KLHL3: variants seen among roughly 807,000 people sequenced by gnomAD.
KLHL3 encodes kelch like family member 3, also known as kelch-like protein 3.
In KLHL3, 19 loss-of-function variants were observed where a neutral mutation model predicts 70.5. The ratio of observed to expected loss-of-function variants is 0.27; its 90% CI spans 0.19 to 0.40. The LOEUF (loss-of-function observed/expected upper bound fraction) is 0.40, where lower values mean the gene tolerates loss of function less well. Ranked by LOEUF, KLHL3 falls within the 10% of genes least tolerant of loss-of-function variation. The pLI is 1.00. For missense variants in KLHL3, 512 were observed against 771.1 expected, an observed-to-expected ratio of 0.66 and a Z score of 3.98; for synonymous variants, 258 against 290.3, an observed-to-expected ratio of 0.89 and a Z score of 1.13.
chr5:137,648,907 C>G (rs992516913), intron 8 of KLHL3, among the ~76,000 whole-genome samples: 7 of 152,288 alleles, frequency 4.6e-5, no homozygotes, highest in African/African-American at 1.7e-4. Context: ...TCCAACTAGT[C>G]CAATTATCTC....
chr5:137,651,159 C>T (rs1751191427), intron 8 of KLHL3, among the ~76,000 whole-genome samples: 1 of 152,200 alleles, frequency 6.6e-6, no homozygotes, highest in Non-Finnish European at 1.5e-5. Flanking sequence ...GAGGTTATTT[C>T]TTCTTTAAAA....
At chr5:137,670,942 C>T (rs1383615090) in intron 6 of KLHL3, among the ~76,000 whole-genome samples, 1 of 127,916 alleles carries the variant, frequency 7.8e-6, no homozygotes, top group African/African-American at 3.2e-5. Flanking sequence ...CACTGCACTC[C>T]AGCCTGGGCA....
chr5:137,702,798 C>G (rs1752597750), intron 3 of KLHL3, among the ~76,000 whole-genome samples: 1 of 152,134 alleles, frequency 6.6e-6, no homozygotes, highest in Non-Finnish European at 1.5e-5. Flanking sequence ...ACCATTAGGG[C>G]CTTGCACTTA....
chr5:137,637,791 C>T (rs1252493314), intron 10 of KLHL3, among the ~76,000 whole-genome samples: 5 of 152,220 alleles, frequency 3.3e-5, no homozygotes, highest in Admixed American at 3.3e-4. Context: ...CACTTGCTTC[C>T]CAAGACTCCC....
At chr5:137,677,453 A>C in intron 6 of KLHL3, 92 bp downstream of exon 6, 2 of 754,508 alleles carry the variant, frequency 2.7e-6, no homozygotes, top group Non-Finnish European at 4.4e-6. Context: ...ATCTCAAAAA[A>C]AAAGAAAAGA....
chr5:137,720,638 T>C, intron 1 of KLHL3, 54 bp from the exon 2 acceptor site: 3 of 1,607,468 alleles, frequency 1.9e-6, no homozygotes, highest in Non-Finnish European at 2.5e-6. Flanking sequence ...GGTAAACCCA[T>C]TCATCCAACT....
In KLHL3 at chr5:137,660,722, C is replaced by T. The variant is rs568361196; in HGVS notation, c.753+1193G>A. 3 of 152,294 alleles carry T rather than the reference C, an allele frequency of 2.0e-5. No individual in the cohort carries two copies. The East Asian group carries it at 5.8e-4, about 29-fold the overall frequency. 9.4% of individuals were successfully genotyped at this position (152,294 alleles called of 1,614,324 possible). ...TGTCACCTGCTACTAAGAATCACAG[C>T]AGTGGTCACAAAGACTACAGAGTAA... On this transcript the variant is annotated intron_variant, in intron 7 of 14. Coordinates refer to ENST00000309755, the MANE Select transcript of KLHL3 (RefSeq NM_017415.3).
intron 6 of KLHL3, among the ~76,000 whole-genome samples, chr5:137,667,729 G>A (rs2149901348): frequency 6.6e-6 from 1 of 152,326 alleles, no homozygotes; most frequent in South Asian, 2.1e-4. Context: ...TTGGCAAGGG[G>A]AGAAGTTCAA....
At chr5:137,659,695 G>A (rs1751426912) in intron 7 of KLHL3, among the ~76,000 whole-genome samples, 1 of 152,212 alleles carries the variant, frequency 6.6e-6, no homozygotes, top group Non-Finnish European at 1.5e-5. Context: ...CTCCTGGAAA[G>A]TTAGTGCTTC....
At chr5:137,655,430 A>C (rs1422558752) in intron 8 of KLHL3, among the ~76,000 whole-genome samples, 1 of 152,238 alleles carries the variant, frequency 6.6e-6, no homozygotes, top group African/African-American at 2.4e-5. Flanking sequence ...TTCAAATGTA[A>C]AACAAAAATT....
At chr5:137,676,946 G>C (rs1751898517) in intron 6 of KLHL3, among the ~76,000 whole-genome samples, 3 of 152,146 alleles carry the variant, frequency 2.0e-5, no homozygotes, top group Admixed American at 2.0e-4. Flanking sequence ...GGTAGAGGTG[G>C]AATGAGCCCA....
At chr5:137,625,957 G>A in intron 13 of KLHL3, 61 bp from the exon 14 acceptor site, 2 of 1,600,702 alleles carry the variant, frequency 1.2e-6, no homozygotes, top group Non-Finnish European at 1.7e-6. Context: ...GATCAGAATT[G>A]ATCAAGAGAC....
rs1158378237 is a variant in KLHL3, at chr5:137,619,634, T to A, written c.*2464A>T. 6.5e-6 allele frequency: 1 copy of A among 152,792 alleles called. No individual in the cohort carries two copies. Among genetic ancestry groups the A allele is most frequent in the African/African-American group, 2.4e-5 (1 of 41,470 alleles). The allele number at this position is 152,792 out of a possible 1,614,324, so 9.5% of individuals were successfully genotyped here. A position where few individuals can be genotyped will look rare whatever the true frequency, so the allele number is the denominator to read the frequency against. ...GAAGAGATAGCAGGTTTTGGTGGCATCTGTGGGCAGCTAGAGCAGATTGGC... is the reference window on the plus strand; with the variant it reads ...GAAGAGATAGCAGGTTTTGGTGGCAACTGTGGGCAGCTAGAGCAGATTGGC... On this transcript the variant is annotated 3_prime_UTR_variant, in exon 15 of 15. Coordinates refer to ENST00000309755, the MANE Select transcript of KLHL3 (RefSeq NM_017415.3).
Position 137,735,846 on chromosome 5 carries a change from A to G in KLHL3, c.-200T>C. The G allele has an allele frequency of 1.5e-6, 1 of 687,664 alleles. No homozygotes were observed. Among genetic ancestry groups the G allele is most frequent in the Non-Finnish European group, 2.6e-6 (1 of 389,248 alleles). 42.6% of individuals were successfully genotyped at this position (687,664 alleles called of 1,614,324 possible). ...CAGCAGCTTCTACCGCAAAAGCAGC[A>G]GCAACAGAAAATGTCTTACCCAGAG... On this transcript the variant is annotated 5_prime_UTR_variant, in exon 1 of 15. Transcript: ENST00000309755.
chr5:137,705,345 A>G (rs1357217054), intron 3 of KLHL3, among the ~76,000 whole-genome samples: 5 of 152,216 alleles, frequency 3.3e-5, no homozygotes, highest in African/African-American at 9.6e-5. Context: ...TGGGAAGTGA[A>G]TAAGACAGCC....
At position 137,692,434 on chromosome 5, in the gene KLHL3, G is replaced by A. The variant is rs751667919; in HGVS notation, c.377C>T (p.Ala126Val). 6.2e-7 allele frequency: 1 copy of A among 1,614,000 alleles called. No homozygotes were observed. The highest frequency in any genetic ancestry group is 1.7e-5 in the Admixed American group (1 of 60,024). Residue 126 changes from alanine to valine, a missense_variant, in exon 5 of 15, where the codon GCA becomes GTA. Physicochemically the swap from Ala to Val is moderately conservative, Grantham distance 64. Coordinates refer to ENST00000309755, the MANE Select transcript of KLHL3 (RefSeq NM_017415.3). ...ATCCATGAGCTGCAGCAAGCTGGCT[G>A]CCGGGAGCAGCACCTGCAAGAGAAG... Reference protein sequence around the residue: ...TEENVQVLLPAASLLQLMDVR... With the variant: ...TEENVQVLLPVASLLQLMDVR...
intron 13 of KLHL3, among the ~76,000 whole-genome samples, chr5:137,627,765 T>C (rs896861751): frequency 6.6e-6 from 1 of 151,890 alleles, no homozygotes; most frequent in Non-Finnish European, 1.5e-5. Flanking sequence ...CAGGAAGGCA[T>C]AGGAGACAAG....
At chr5:137,665,927 T>C (rs1751604184) in intron 6 of KLHL3, among the ~76,000 whole-genome samples, 1 of 152,172 alleles carries the variant, frequency 6.6e-6, no homozygotes, top group Non-Finnish European at 1.5e-5. Context: ...TATGTATGTA[T>C]AGTTTGCTCC....
chr5:137,628,350 C>G lies in KLHL3; in HGVS notation c.1538G>C (p.Gly513Ala), dbSNP rs1750536213. 1 of 1,613,930 alleles carries G rather than the reference C, an allele frequency of 6.2e-7. No homozygotes were observed. Among genetic ancestry groups the G allele is most frequent in the African/African-American group, 1.3e-5 (1 of 74,858 alleles). The stretch of plus-strand genomic sequence containing the variant: ...TGCCACTTGCTTCCAGGTATTTGTT[C>G]CAGGATCGTAAACCTCAACGCTCTT... The part of the protein sequence containing the change: ...VRKSVEVYDP[G>A]TNTWKQVADM... Residue 513 changes from glycine to alanine, a missense_variant, in exon 13 of 15, where the codon GGA (glycine) becomes GCA (alanine). By Grantham distance (60) the Gly-to-Ala change is moderately conservative (BLOSUM62 0). Coordinates refer to ENST00000309755, the MANE Select transcript of KLHL3 (RefSeq NM_017415.3).
Sources: gnomAD v4.1 joint callset for allele counts (sites outside exome capture counted in the v4.1 genomes callset) on GRCh38, gnomAD v4.1.1 for gene constraint, MANE v1.5 for transcripts, NCBI Gene and HGNC (gene_info 2026-07-23, HGNC 2026-07-21) for gene names.